The following SIRPA variants were observed in gnomAD, a reference collection of about 807,000 sequenced individuals.
SIRPA encodes signal regulatory protein alpha.
SIRPA carries 9 observed loss-of-function variants against 50.3 expected under a neutral mutation model. That is an observed-to-expected ratio of 0.18 (90% CI 0.11 to 0.31). The LOEUF is 0.31. Ranked by LOEUF, SIRPA falls within the 10% of genes least tolerant of loss-of-function variation. SIRPA has a pLI of 1.00. For synonymous variants in SIRPA, 265 were observed against 284.1 expected (o/e 0.93, Z 0.68); for missense variants, 474 against 661.6 (o/e 0.72, Z 3.11).
rs1488571330 is a variant in SIRPA, at chr20:1,934,038, G to T, written c.1227-677G>T. 6.6e-6 allele frequency among the ~76,000 whole-genome samples: 1 copy of T among 152,044 alleles called. No homozygotes were observed. The highest frequency in any genetic ancestry group is 1.5e-5 in the Non-Finnish European group (1 of 68,014). On this transcript the variant is annotated intron_variant, in intron 6 of 7. Transcript: ENST00000358771. The surrounding 1 kb of genome is among the most constrained non-coding windows in gnomAD (Gnocchi z 4.6). Reference sequence around the variant, plus strand: ...CAAAGACCACTGCAGTTTGCATTTTGCTATGTTTCCTTCCAGTGTTATCCA... The same window carrying T: ...CAAAGACCACTGCAGTTTGCATTTTTCTATGTTTCCTTCCAGTGTTATCCA...
At chr20:1,900,377 C>T (rs1984115248) in intron 1 of SIRPA, among the ~76,000 whole-genome samples, 1 of 152,280 alleles carries the variant, frequency 6.6e-6, no homozygotes, top group South Asian at 2.1e-4. Flanking sequence ...GGCTGAGCCA[C>T]CGCACCACCC....
At chr20:1,899,450 C>T (rs1984031854) in intron 1 of SIRPA, among the ~76,000 whole-genome samples, 1 of 152,330 alleles carries the variant, frequency 6.6e-6, no homozygotes, top group Middle Eastern at 3.4e-3. Context: ...GTTCCCTGAA[C>T]TTATGAACGA....
intron 7 of SIRPA, among the ~76,000 whole-genome samples, chr20:1,935,929 G>C (rs767013565): frequency 2.6e-5 from 4 of 152,190 alleles, no homozygotes; most frequent in Non-Finnish European, 4.4e-5. Context: ...TGTGTGCTAA[G>C]AGCACAGTCG....
intron 1 of SIRPA, among the ~76,000 whole-genome samples, chr20:1,906,767 G>A (rs2123029594): frequency 6.6e-6 from 1 of 152,300 alleles, no homozygotes; most frequent in East Asian, 1.9e-4. Flanking sequence ...GTGAGGCAGA[G>A]GCAGGGAGGT....
At chr20:1,902,596 G>T (rs1984286352) in intron 1 of SIRPA, among the ~76,000 whole-genome samples, 1 of 152,178 alleles carries the variant, frequency 6.6e-6, no homozygotes, top group South Asian at 2.1e-4. Context: ...GTGAGGAAGA[G>T]AAAAACACAC....
chr20:1,899,370 C>T (rs887832031), intron 1 of SIRPA, among the ~76,000 whole-genome samples: 2 of 152,170 alleles, frequency 1.3e-5, no homozygotes, highest in African/African-American at 4.8e-5. Context: ...TACTCAGCCA[C>T]ACGAGCACCC....
chr20:1,905,126 G>A (rs1156979870), intron 1 of SIRPA, among the ~76,000 whole-genome samples: 3 of 152,240 alleles, frequency 2.0e-5, no homozygotes, highest in Non-Finnish European at 4.4e-5. Flanking sequence ...AGTGAATAGT[G>A]TCAGCTTGGG....
At chr20:1,920,583 G>A (rs1985589267) in intron 2 of SIRPA, among the ~76,000 whole-genome samples, 1 of 152,130 alleles carries the variant, frequency 6.6e-6, no homozygotes, top group East Asian at 1.9e-4. Context: ...CTCCACACTT[G>A]GTGATCTTTA....
intron 1 of SIRPA, among the ~76,000 whole-genome samples, chr20:1,897,559 T>G (rs1210809196): frequency 6.6e-6 from 1 of 152,098 alleles, no homozygotes; most frequent in Non-Finnish European, 1.5e-5. Flanking sequence ...GATATGAGGG[T>G]AGGAAGGTAC....
chr20:1,931,080 T>A (rs1260990477), intron 6 of SIRPA, among the ~76,000 whole-genome samples: 1 of 152,200 alleles, frequency 6.6e-6, no homozygotes, highest in Admixed American at 6.5e-5. Flanking sequence ...AGGAACCCTA[T>A]GATTTATCAC....
chr20:1,897,019 G>A lies in SIRPA; in HGVS notation c.79+1493G>A, dbSNP rs190954293. On this transcript the variant is annotated intron_variant, in intron 1 of 7. Transcript: ENST00000358771. Reference sequence around the variant, plus strand: ...TTTCCTGAAGCAGGGAATTGGGCCCGAGTTAATTTCTAAATGTCTATTCCA... The same window carrying A: ...TTTCCTGAAGCAGGGAATTGGGCCCAAGTTAATTTCTAAATGTCTATTCCA... Among the ~76,000 whole-genome samples, 9 of 152,288 alleles carry A rather than the reference G, an allele frequency of 5.9e-5. No homozygotes were observed. The East Asian group carries it at 1.5e-3, about 26-fold the overall frequency.
At chr20:1,916,199 G>A (rs1471246274) in intron 2 of SIRPA, among the ~76,000 whole-genome samples, 9 of 152,164 alleles carry the variant, frequency 5.9e-5, no homozygotes, top group South Asian at 2.1e-4. Context: ...GGGTTCCTCC[G>A]TTAAGGCAGC....
In SIRPA at chr20:1,921,432, G is replaced by A. The variant is rs547938926; in HGVS notation, c.474G>A (p.Ala158=). Residue 158 remains alanine (A), a synonymous_variant, in exon 3 of 8, where the codon GCG becomes GCA. Transcript: ENST00000358771. The part of the protein sequence containing the change: ...PSAPVVSGPA[A]RATPQHTVSF... ...CCCCCGTGGTATCGGGCCCTGCGGCGAGGGCCACACCTCAGCACACAGTGA... is the reference window on the plus strand; with the variant it reads ...CCCCCGTGGTATCGGGCCCTGCGGCAAGGGCCACACCTCAGCACACAGTGA... 21 of 1,613,712 alleles carry A rather than the reference G, an allele frequency of 1.3e-5. No homozygotes were observed. The highest frequency in any genetic ancestry group is 8.3e-5 in the Admixed American group (5 of 60,014).
intron 1 of SIRPA, among the ~76,000 whole-genome samples, chr20:1,906,190 G>C (rs1424209441): frequency 6.6e-6 from 1 of 152,148 alleles, no homozygotes; most frequent in Non-Finnish European, 1.5e-5. Flanking sequence ...CAGAGGTCCA[G>C]AGTGGGCGAG....
At chr20:1,935,417 G>A (rs974619721) in intron 7 of SIRPA, among the ~76,000 whole-genome samples, 2 of 152,212 alleles carry the variant, frequency 1.3e-5, no homozygotes, top group African/African-American at 4.8e-5. Context: ...GAACGAGAGC[G>A]CGCCAGCTGT....
At chr20:1,923,258 C>T (rs1043301229) in intron 4 of SIRPA, among the ~76,000 whole-genome samples, 2 of 152,230 alleles carry the variant, frequency 1.3e-5, no homozygotes, top group African/African-American at 2.4e-5. Flanking sequence ...ATCATTTTCT[C>T]AGCCCTTGCA....
In SIRPA at chr20:1,928,019, C is replaced by A; in HGVS notation, c.1226+120C>A. On this transcript the variant is annotated intron_variant, in intron 6 of 7. Coordinates refer to ENST00000358771, the MANE Select transcript of SIRPA (RefSeq NM_001040023.2). The surrounding 1 kb of genome is among the most constrained non-coding windows in gnomAD (Gnocchi z 4.9). ...CACCAATGTGTTGGTCAACATGTCT[C>A]TTTCTCTCCTTTGTAACCTCCTCAC... The A allele has an allele frequency of 2.3e-6, 2 of 853,274 alleles. No homozygotes were observed. The highest frequency in any genetic ancestry group is 1.4e-5 in the South Asian group (1 of 73,844). The allele number at this position is 853,274 out of a possible 1,614,324, so 52.9% of individuals were successfully genotyped here.
At chr20:1,912,279 C>T (rs933598564) in intron 1 of SIRPA, among the ~76,000 whole-genome samples, 1 of 152,224 alleles carries the variant, frequency 6.6e-6, no homozygotes, top group African/African-American at 2.4e-5. Context: ...TGCTCCCTCA[C>T]CAACTGCTGA....
At chr20:1,914,027 G>T (rs907600586) in intron 1 of SIRPA, among the ~76,000 whole-genome samples, 39 of 152,172 alleles carry the variant, frequency 2.6e-4, no homozygotes, top group African/African-American at 8.9e-4. Context: ...TCCAGCTCCA[G>T]TGTGTCCCCA....
Sources: allele counts gnomAD v4.1 joint callset (sites outside exome capture counted in the v4.1 genomes callset), GRCh38; gene constraint gnomAD v4.1.1; non-coding constraint Gnocchi (gnomAD v3.1); transcripts MANE v1.5; gene names NCBI Gene and HGNC (gene_info 2026-07-23, HGNC 2026-07-21).